The following KIAA1217 variants were observed in gnomAD, a reference collection of about 807,000 sequenced individuals.
The protein encoded by KIAA1217 is sickle tail protein homolog.
KIAA1217 carries 88 observed loss-of-function variants against 163.9 expected under a neutral mutation model. That is an observed-to-expected ratio of 0.54 (90% CI 0.45 to 0.64). KIAA1217 has a LOEUF of 0.64. Ranked by LOEUF, KIAA1217 falls within the 30% of genes least tolerant of loss-of-function variation. KIAA1217 has a pLI of 0.00. For missense variants in KIAA1217, 2,372 were observed against 2,475.0 expected, an observed-to-expected ratio of 0.96 and a Z score of 0.88; for synonymous variants, 903 against 923.1, an observed-to-expected ratio of 0.98 and a Z score of 0.39.
chr10:23,824,658 A>AATATATATATAT (rs1199680251), intron 1 of KIAA1217, among the ~76,000 whole-genome samples: 4 of 53,040 alleles, frequency 7.5e-5, no homozygotes, highest in African/African-American at 1.3e-4. Flanking sequence ...AAATAAAAAA[A>AATATATATATAT]ATATATATAT....
intron 1 of KIAA1217, among the ~76,000 whole-genome samples, chr10:23,996,079 G>A (rs1343393436): frequency 6.6e-6 from 1 of 152,152 alleles, no homozygotes; most frequent in Non-Finnish European, 1.5e-5. Flanking sequence ...AAAGAGGTAT[G>A]TGTCTGGTTT....
intron 2 of KIAA1217, among the ~76,000 whole-genome samples, chr10:24,081,855 A>T (rs184112908): frequency 2.8e-3 from 421 of 152,254 alleles, no homozygotes; most frequent in African/African-American, 9.8e-3. Flanking sequence ...CAAGAAAACT[A>T]AGGCAGGTTT....
chr10:23,951,241 G>T (rs1297728762), intron 1 of KIAA1217, among the ~76,000 whole-genome samples: 1 of 152,112 alleles, frequency 6.6e-6, no homozygotes, highest in Non-Finnish European at 1.5e-5. Flanking sequence ...TAGGCAAAAG[G>T]AAATAAGAAG....
At chr10:23,996,100 C>T (rs969145910) in intron 1 of KIAA1217, among the ~76,000 whole-genome samples, 4 of 152,262 alleles carry the variant, frequency 2.6e-5, no homozygotes, top group Non-Finnish European at 5.9e-5. Flanking sequence ...CATAGAGAAG[C>T]AACTCCCCTG....
chr10:23,982,368 G>A (rs977049030), intron 1 of KIAA1217, among the ~76,000 whole-genome samples: 7 of 152,054 alleles, frequency 4.6e-5, no homozygotes, highest in African/African-American at 1.4e-4. Context: ...GTTTTTCCCC[G>A]ATGATTCCCT....
chr10:24,540,454 G>A (rs1003618320), intron 17 of KIAA1217, among the ~76,000 whole-genome samples: 3 of 151,970 alleles, frequency 2.0e-5, no homozygotes, highest in Admixed American at 2.0e-4. Flanking sequence ...GGCTGGTCTC[G>A]AACTCCTGAC....
intron 1 of KIAA1217, among the ~76,000 whole-genome samples, chr10:23,844,833 G>A (rs539910069): frequency 6.6e-6 from 1 of 151,952 alleles, no homozygotes; most frequent in South Asian, 2.1e-4. Context: ...GTGGTTTGCT[G>A]CACCCATCAA....
chr10:24,123,787 C>T (rs749110218), intron 2 of KIAA1217, among the ~76,000 whole-genome samples: 5 of 152,136 alleles, frequency 3.3e-5, no homozygotes, highest in African/African-American at 7.2e-5. Context: ...GTATTTGTTT[C>T]CCCATATCTT....
intron 14 of KIAA1217, among the ~76,000 whole-genome samples, chr10:24,528,740 A>C (rs1224235238): frequency 6.6e-6 from 1 of 152,272 alleles, no homozygotes; most frequent in South Asian, 2.1e-4. Context: ...TTTTCTATGC[A>C]TTTGTGATAC....
intron 5 of KIAA1217, chr10:24,466,864 T>G: frequency 3.5e-6 from 3 of 867,566 alleles, no homozygotes; most frequent in Non-Finnish European, 4.2e-6. Flanking sequence ...CTTACTTCAT[T>G]GTGTGGTCTG....
intron 2 of KIAA1217, among the ~76,000 whole-genome samples, chr10:24,344,703 C>T (rs2047507786): frequency 6.6e-6 from 1 of 152,158 alleles, no homozygotes; most frequent in African/African-American, 2.4e-5. Context: ...CAGGGAATAG[C>T]CCCTGCTCAA....
rs567367132 is a variant in KIAA1217, at chr10:24,326,830, T to A, written c.355-54039T>A. Reference sequence around the variant, plus strand: ...CCCTTACATATAGGAAAGGTACAACTGGAAATAGGATGGCATTTTAATGAT... The same window carrying A: ...CCCTTACATATAGGAAAGGTACAACAGGAAATAGGATGGCATTTTAATGAT... On this transcript the variant is annotated intron_variant, in intron 2 of 20. Coordinates refer to ENST00000376454, the MANE Select transcript of KIAA1217 (RefSeq NM_019590.5). Among the ~76,000 whole-genome samples, 236 of 152,202 alleles carry A rather than the reference T, an allele frequency of 1.6e-3. 1 individual carries two copies. Among genetic ancestry groups the A allele is most frequent in the Non-Finnish European group, 2.2e-3 (152 of 68,014 alleles).
At chr10:23,783,463 C>A (rs906409609) in intron 1 of KIAA1217, among the ~76,000 whole-genome samples, 2 of 152,140 alleles carry the variant, frequency 1.3e-5, no homozygotes, top group African/African-American at 2.4e-5. Flanking sequence ...TTTCAATTTG[C>A]TGGTATCTAA....
At chr10:24,118,304 C>T (rs867575911) in intron 2 of KIAA1217, among the ~76,000 whole-genome samples, 1 of 152,162 alleles carries the variant, frequency 6.6e-6, no homozygotes, top group Admixed American at 6.5e-5. Context: ...GCCGCCTCCG[C>T]CACTTGCTTT....
At chr10:23,856,680 A>G (rs1175752992) in intron 1 of KIAA1217, among the ~76,000 whole-genome samples, 1 of 152,116 alleles carries the variant, frequency 6.6e-6, no homozygotes, top group African/African-American at 2.4e-5. Context: ...GAGCTTCCCC[A>G]CTGCTTTGTT....
intron 16 of KIAA1217, among the ~76,000 whole-genome samples, chr10:24,534,525 C>CT (rs2073662255): frequency 6.6e-6 from 1 of 152,042 alleles, no homozygotes; most frequent in Admixed American, 6.6e-5. Context: ...TTGATGCCCT[C>CT]TTTGACCACT....
chr10:23,708,694 G>A (rs1411931197), intron 1 of KIAA1217, among the ~76,000 whole-genome samples: 1 of 152,178 alleles, frequency 6.6e-6, no homozygotes, highest in Non-Finnish European at 1.5e-5. Context: ...GGAAAAGTTA[G>A]GCAGGGCCTT....
intron 9 of KIAA1217, among the ~76,000 whole-genome samples, chr10:24,505,667 C>A (rs904261221): frequency 6.6e-6 from 1 of 152,068 alleles, no homozygotes; most frequent in Non-Finnish European, 1.5e-5. Flanking sequence ...CCTCCTACTT[C>A]TTTCATCCCC....
At position 23,758,343 on chromosome 10, in the gene KIAA1217, C is replaced by T. The variant is rs139137699; in HGVS notation, c.-321+63109C>T. ...TTTTCCCCAGTGAATAGTCTTGGCA[C>T]TCTTATTGGAAATCATTTGACCATA... On this transcript the variant is annotated intron_variant, in intron 1 of 18. Coordinates refer to the KIAA1217 transcript ENST00000376462. Among the ~76,000 whole-genome samples, 1,017 of 150,992 alleles carry T rather than the reference C, an allele frequency of 6.7e-3. 15 individuals carry two copies. The highest frequency in any genetic ancestry group is 0.024 in the African/African-American group (966 of 40,602).
Sources: allele counts gnomAD v4.1 joint callset (sites outside exome capture counted in the v4.1 genomes callset), GRCh38; gene constraint gnomAD v4.1.1; transcripts MANE v1.5; gene names NCBI Gene and HGNC (gene_info 2026-07-23, HGNC 2026-07-21).